Variants in ISM1 observed in about 807,000 individuals in gnomAD.
ISM1 encodes the protein isthmin-1.
In ISM1, 25 loss-of-function variants were observed where a neutral mutation model predicts 46.3. That is an observed-to-expected ratio of 0.54 (90% CI 0.39 to 0.75). The LOEUF (loss-of-function observed/expected upper bound fraction) is 0.75. ISM1 is among the 30% of genes least tolerant of loss of function. ISM1 has a pLI of 0.00. For synonymous variants in ISM1, 255 were observed against 256.7 expected (o/e 0.99, Z 0.06); for missense variants, 536 against 625.4 (o/e 0.86, Z 1.52).
At chr20:13,229,251 C>T (rs1243311496) in intron 1 of ISM1, among the ~76,000 whole-genome samples, 1 of 151,950 alleles carries the variant, frequency 6.6e-6, no homozygotes, top group Non-Finnish European at 1.5e-5. Flanking sequence ...GTTGTATATG[C>T]CTATATAGTT....
intron 1 of ISM1, among the ~76,000 whole-genome samples, chr20:13,249,788 T>C (rs1042176407): frequency 4.4e-5 from 2 of 45,642 alleles, no homozygotes; most frequent in Non-Finnish European, 7.3e-5. Context: ...GCGTTTTGTT[T>C]TGTTTTGTTT....
At position 13,299,543 on chromosome 20, in the gene ISM1, C is replaced by T. The variant is rs185285111; in HGVS notation, c.*84C>T. The T allele has an allele frequency of 4.0e-6, 5 of 1,249,742 alleles. No homozygotes were observed. The highest frequency in any genetic ancestry group is 1.5e-5 in the African/African-American group (1 of 66,964). The allele number at this position is 1,249,742 out of a possible 1,614,324, so 77.4% of individuals were successfully genotyped here. On this transcript the variant is annotated 3_prime_UTR_variant, in exon 6 of 6. Transcript: ENST00000262487. This position sits in a 1 kb window ranked among gnomAD's most constrained non-coding sequence, Gnocchi z 5.8. The stretch of plus-strand genomic sequence containing the variant: ...CTGACGTGCCGACTGGCGCCGAGAC[C>T]TTCATAGCTGCGGTCGTGTATATTT...
intron 1 of ISM1, among the ~76,000 whole-genome samples, chr20:13,230,818 A>G (rs1430148951): frequency 1.3e-5 from 2 of 152,166 alleles, no homozygotes; most frequent in Non-Finnish European, 2.9e-5. Flanking sequence ...ATTCCTTTTT[A>G]TAAGAATTAT....
At chr20:13,269,029 C>T (rs1379584854) in intron 1 of ISM1, among the ~76,000 whole-genome samples, 3 of 152,164 alleles carry the variant, frequency 2.0e-5, no homozygotes, top group Non-Finnish European at 4.4e-5. Context: ...ACCTTGGGCG[C>T]TCAGAGTCAT....
chr20:13,313,942 G>C, the ISM1 span, among the ~76,000 whole-genome samples: 4 of 152,102 alleles, frequency 2.6e-5, no homozygotes, highest in African/African-American at 9.7e-5. Flanking sequence ...TTCTAAGAAA[G>C]AAACATAAAA....
rs201280749 is a variant in ISM1, at chr20:13,277,193, T to TA, written c.379-2440dup. 6.4e-3 allele frequency among the ~76,000 whole-genome samples: 977 copies of TA among 152,332 alleles called. 13 individuals are homozygous for TA. The highest frequency in any genetic ancestry group is 0.022 in the African/African-American group (923 of 41,560). On this transcript the variant is annotated intron_variant, in intron 2 of 5. Coordinates refer to ENST00000262487, the MANE Select transcript of ISM1 (RefSeq NM_080826.2). ...ATAGCTTGAAACATGAAATTGTTTT[T>TA]ATTCCCAGCTTGGAGAAATTGCAGG...
chr20:13,317,755 T>C, the ISM1 span, among the ~76,000 whole-genome samples: 1 of 152,114 alleles, frequency 6.6e-6, no homozygotes, highest in Non-Finnish European at 1.5e-5. Context: ...CAAATGAATC[T>C]AGTCACAGAC....
chr20:13,313,648 T>C, the ISM1 span, among the ~76,000 whole-genome samples: 3 of 152,220 alleles, frequency 2.0e-5, no homozygotes, highest in Non-Finnish European at 2.9e-5. Flanking sequence ...CATTTCTTCT[T>C]TTAACACACC....
At chr20:13,318,733 A>AT in the ISM1 span, among the ~76,000 whole-genome samples, 1 of 152,200 alleles carries the variant, frequency 6.6e-6, no homozygotes, top group South Asian at 2.1e-4. Flanking sequence ...ATGAGAAAAT[A>AT]TTTTTTGAAA....
intron 5 of ISM1, among the ~76,000 whole-genome samples, chr20:13,292,968 G>A (rs1048977871): frequency 3.9e-5 from 6 of 151,942 alleles, no homozygotes; most frequent in Non-Finnish European, 4.4e-5. Context: ...AGGCTGAGGC[G>A]GGCAGATCAC....
the ISM1 span, among the ~76,000 whole-genome samples, chr20:13,318,234 A>G: frequency 9.8e-5 from 15 of 152,314 alleles, no homozygotes; most frequent in Non-Finnish European, 2.2e-4. Flanking sequence ...ATATAAAAAG[A>G]TATTTCACAT....
At chr20:13,232,949 A>G (rs6074572) in intron 1 of ISM1, among the ~76,000 whole-genome samples, 377 of 152,164 alleles carry the variant, frequency 2.5e-3, no homozygotes, top group Non-Finnish European at 4.0e-3. Context: ...CGATTCTCCA[A>G]GTGATGGTGG....
chr20:13,223,613 T>C (rs750956443), intron 1 of ISM1, among the ~76,000 whole-genome samples: 5 of 152,296 alleles, frequency 3.3e-5, no homozygotes, highest in Admixed American at 6.5e-5. Context: ...AAGCTTAAAG[T>C]TGTTTTAACT....
At chr20:13,295,456 C>T (rs1366596800) in intron 5 of ISM1, among the ~76,000 whole-genome samples, 1 of 152,208 alleles carries the variant, frequency 6.6e-6, no homozygotes, top group Middle Eastern at 3.2e-3. Flanking sequence ...CAGCCCCAGA[C>T]ATCCCCAGCA....
intron 1 of ISM1, among the ~76,000 whole-genome samples, chr20:13,228,478 GAATTT>G (rs1242186637): frequency 6.6e-6 from 1 of 152,076 alleles, no homozygotes; most frequent in African/African-American, 2.4e-5. Context: ...TTTAAGAATA[GAATTT>G]AATTTTTGAT....
intron 4 of ISM1, among the ~76,000 whole-genome samples, chr20:13,289,163 A>G (rs1026407049): frequency 7.2e-5 from 11 of 152,186 alleles, no homozygotes; most frequent in Non-Finnish European, 1.2e-4. Context: ...TCTTATGCAC[A>G]ATTGCAGTGG....
downstream of ISM1, among the ~76,000 whole-genome samples, chr20:13,305,640 A>G (rs1380882105): frequency 6.6e-6 from 1 of 152,224 alleles, no homozygotes; most frequent in African/African-American, 2.4e-5. Context: ...CAGGTCCTGC[A>G]TACAGTAGTG....
intron 5 of ISM1, among the ~76,000 whole-genome samples, chr20:13,297,127 A>T (rs571424882): frequency 1.3e-5 from 2 of 152,316 alleles, no homozygotes; most frequent in East Asian, 3.9e-4. Flanking sequence ...TGGCCTTGTC[A>T]CAGGTGAACA....
In ISM1 at chr20:13,300,417, G is replaced by C. The variant is rs776357230; in HGVS notation, c.*958G>C. On this transcript the variant is annotated 3_prime_UTR_variant, in exon 6 of 6. Transcript: ENST00000262487. Reference sequence around the variant, plus strand: ...ATCCCCAATAAATAAATATAAAAGGGGGGGAGGGTCAATCTGGGGAATCTT... The same window carrying C: ...ATCCCCAATAAATAAATATAAAAGGCGGGGAGGGTCAATCTGGGGAATCTT... 15 of 152,130 alleles carry C rather than the reference G, an allele frequency of 9.9e-5. No homozygotes were observed. Among genetic ancestry groups the C allele is most frequent in the Admixed American group, 2.6e-4 (4 of 15,282 alleles). 9.4% of individuals were successfully genotyped at this position (152,130 alleles called of 1,614,324 possible).
Sources: gnomAD v4.1 joint callset for allele counts (sites outside exome capture counted in the v4.1 genomes callset) on GRCh38, gnomAD v4.1.1 for gene constraint, Gnocchi (gnomAD v3.1) non-coding constraint, MANE v1.5 for transcripts, NCBI Gene and HGNC (gene_info 2026-07-23, HGNC 2026-07-21) for gene names.